ACTR3B: variants seen among roughly 807,000 people sequenced by gnomAD.
The protein encoded by ACTR3B is actin-related protein 3B.
ACTR3B carries 8 observed loss-of-function variants against 59.0 expected under a neutral mutation model. The ratio of observed to expected loss-of-function variants is 0.14; its 90% CI spans 0.08 to 0.24. The LOEUF (loss-of-function observed/expected upper bound fraction) is 0.24, where lower values mean the gene tolerates loss of function less well. Among genes scored for constraint, ACTR3B ranks in the 10% least tolerant of loss-of-function variants. The pLI is 1.00. For synonymous variants in ACTR3B, 148 were observed against 197.9 expected, an observed-to-expected ratio of 0.75 and a Z score of 2.12; for missense variants, 245 against 552.3, an observed-to-expected ratio of 0.44 and a Z score of 5.58.
intron 9 of ACTR3B, among the ~76,000 whole-genome samples, chr7:152,833,008 G>A (rs1033875789): frequency 2.2e-4 from 33 of 152,106 alleles, no homozygotes; most frequent in Admixed American, 3.9e-4. Context: ...AGAAGGAGTC[G>A]CCTGAGAAGA....
At chr7:152,811,559 TTATG>T (rs1228560895) in intron 4 of ACTR3B, 1 of 152,268 alleles carries the variant, frequency 6.6e-6, no homozygotes, top group African/African-American at 2.4e-5. Context: ...TGTATTTTAT[TTATG>T]TATTAGTATT....
At chr7:152,788,411 GTT>G (rs1194612264) in intron 2 of ACTR3B, among the ~76,000 whole-genome samples, 3,463 of 129,844 alleles carry the variant, frequency 0.027, 9 homozygotes, top group Middle Eastern at 0.092. Flanking sequence ...ATGTTCTAAA[GTT>G]TTTTTTTTTT....
chr7:152,787,887 T>C (rs187856555), intron 2 of ACTR3B, among the ~76,000 whole-genome samples: 1 of 152,094 alleles, frequency 6.6e-6, no homozygotes, highest in East Asian at 1.9e-4. Flanking sequence ...CAGCTTAAGT[T>C]CCATGAAAAT....
At chr7:152,775,435 G>A (rs2098134064) in intron 1 of ACTR3B, among the ~76,000 whole-genome samples, 1 of 152,046 alleles carries the variant, frequency 6.6e-6, no homozygotes, top group Admixed American at 6.6e-5. Context: ...AACAAGTAAA[G>A]TGGAAGAGTC....
intron 9 of ACTR3B, among the ~76,000 whole-genome samples, chr7:152,830,887 C>T (rs893591662): frequency 6.6e-6 from 1 of 152,086 alleles, no homozygotes; most frequent in African/African-American, 2.4e-5. Flanking sequence ...TGTTTAAATA[C>T]CTTAATATTT....
At chr7:152,780,024 A>C (rs1465485556) in intron 1 of ACTR3B, among the ~76,000 whole-genome samples, 1 of 152,178 alleles carries the variant, frequency 6.6e-6, no homozygotes, top group East Asian at 1.9e-4. Flanking sequence ...CAGTTCTGCT[A>C]GGAGGGTAAG....
At chr7:152,770,000 C>G (rs893862456) in intron 1 of ACTR3B, among the ~76,000 whole-genome samples, 1 of 152,000 alleles carries the variant, frequency 6.6e-6, no homozygotes, top group Non-Finnish European at 1.5e-5. Context: ...CCATAAATTA[C>G]TATACTCTTT....
chr7:152,794,851 T>C (rs2098210343), intron 2 of ACTR3B, among the ~76,000 whole-genome samples: 1 of 152,238 alleles, frequency 6.6e-6, no homozygotes, highest in Non-Finnish European at 1.5e-5. Context: ...CTTTCTTCAG[T>C]TCTGCTGAAG....
At chr7:152,810,132 A>C (rs1461746238) in intron 4 of ACTR3B, among the ~76,000 whole-genome samples, 3 of 151,908 alleles carry the variant, frequency 2.0e-5, no homozygotes, top group African/African-American at 7.3e-5. Context: ...TTTGAGATGG[A>C]GTTAACTCTT....
intron 1 of ACTR3B, among the ~76,000 whole-genome samples, chr7:152,780,353 A>C (rs2098148387): frequency 1.2e-4 from 1 of 8,146 alleles, no homozygotes; most frequent in African/African-American, 4.9e-4. Flanking sequence ...ACTCTGTCTC[A>C]AAAAAAAAAA....
intron 1 of ACTR3B, among the ~76,000 whole-genome samples, chr7:152,768,564 C>G (rs943355988): frequency 6.6e-6 from 1 of 152,106 alleles, no homozygotes; most frequent in African/African-American, 2.4e-5. Context: ...GCAACCTCCA[C>G]CTCCTGGATT....
chr7:152,803,610 A>G (rs1439134117), intron 4 of ACTR3B, among the ~76,000 whole-genome samples: 7 of 152,098 alleles, frequency 4.6e-5, no homozygotes, highest in African/African-American at 1.7e-4. Flanking sequence ...ATGTGGAGCA[A>G]ATATGGACCA....
At chr7:152,834,702 A>C (rs1797307258) in intron 9 of ACTR3B, among the ~76,000 whole-genome samples, 1 of 152,212 alleles carries the variant, frequency 6.6e-6, no homozygotes, top group Non-Finnish European at 1.5e-5. Flanking sequence ...CTTCTAGCTT[A>C]GGTCAAGATT....
intron 9 of ACTR3B, among the ~76,000 whole-genome samples, chr7:152,845,775 G>A (rs1329757578): frequency 6.6e-6 from 1 of 152,198 alleles, no homozygotes; most frequent in Non-Finnish European, 1.5e-5. Context: ...ATCGGCCAGG[G>A]CCCTGCCTGC....
At chr7:152,847,313 A>C (rs1798430084) in intron 9 of ACTR3B, among the ~76,000 whole-genome samples, 2 of 152,220 alleles carry the variant, frequency 1.3e-5, no homozygotes, top group Admixed American at 1.3e-4. Context: ...TAACACAGCA[A>C]CTGCCTGCTG....
chr7:152,853,630 G>A (rs1799021210), intron 11 of ACTR3B, 53 bp downstream of exon 11: 2 of 1,522,168 alleles, frequency 1.3e-6, no homozygotes, highest in South Asian at 2.3e-5. Flanking sequence ...TCTCGGTTGA[G>A]TTTGGGTAAA....
chr7:152,833,675 A>G (rs895507611), intron 9 of ACTR3B, among the ~76,000 whole-genome samples: 1 of 152,210 alleles, frequency 6.6e-6, no homozygotes, highest in Non-Finnish European at 1.5e-5. Context: ...CGCATTTGAT[A>G]TTAAGCACTT....
intron 9 of ACTR3B, among the ~76,000 whole-genome samples, chr7:152,830,417 A>G (rs1408603933): frequency 2.0e-5 from 3 of 152,244 alleles, no homozygotes; most frequent in African/African-American, 7.2e-5. Context: ...GCAGATGTAA[A>G]TACATCCTGC....
At chr7:152,759,947 AC>A (rs1160662683) in intron 1 of ACTR3B, 21 bp downstream of exon 1, 4 of 1,352,492 alleles carry the variant, frequency 3.0e-6, no homozygotes, top group South Asian at 3.4e-5. Context: ...CTCGGCGCCC[AC>A]CCCCGCTCCT....
Sources: gnomAD v4.1 joint callset for allele counts (sites outside exome capture counted in the v4.1 genomes callset) on GRCh38, gnomAD v4.1.1 for gene constraint, MANE v1.5 for transcripts, NCBI Gene and HGNC (gene_info 2026-07-23, HGNC 2026-07-21) for gene names.